The following CEP85L variants were observed in gnomAD, a reference collection of about 807,000 sequenced individuals.
CEP85L encodes centrosomal protein of 85 kDa-like.
A neutral mutation model predicts 100.3 loss-of-function variants in CEP85L; 60 were observed. That is an observed-to-expected ratio of 0.60 (90% CI 0.49 to 0.74). CEP85L has a LOEUF of 0.74. Among genes scored for constraint, CEP85L ranks in the 30% least tolerant of loss-of-function variants. The pLI, the probability that CEP85L is intolerant of heterozygous loss-of-function variation, is 0.00. For missense variants in CEP85L, 973 were observed against 936.2 expected (o/e 1.04, Z -0.51); for synonymous variants, 319 against 322.7 (o/e 0.99, Z 0.12).
chr6:118,476,053 T>C (rs1158795785), intron 10 of CEP85L, among the ~76,000 whole-genome samples: 2 of 152,200 alleles, frequency 1.3e-5, no homozygotes, highest in Non-Finnish European at 2.9e-5. Context: ...CCATATAGAT[T>C]TGGTGACTAT....
At chr6:118,645,411 T>A (rs1775115781) in intron 1 of CEP85L, among the ~76,000 whole-genome samples, 1 of 152,234 alleles carries the variant, frequency 6.6e-6, no homozygotes, top group Non-Finnish European at 1.5e-5. Context: ...TGGTGGTTCA[T>A]GCCTGTCATC....
At chr6:118,537,355 T>A (rs1777654005) in intron 3 of CEP85L, among the ~76,000 whole-genome samples, 2 of 152,100 alleles carry the variant, frequency 1.3e-5, no homozygotes, top group South Asian at 4.1e-4. Context: ...TTTTTACAGG[T>A]AAACATTTTA....
At chr6:118,562,104 T>C (rs935780666) in intron 3 of CEP85L, among the ~76,000 whole-genome samples, 1 of 152,188 alleles carries the variant, frequency 6.6e-6, no homozygotes, top group Non-Finnish European at 1.5e-5. Flanking sequence ...AAAGTCCTCT[T>C]TAACTACCTA....
intron 3 of CEP85L, among the ~76,000 whole-genome samples, chr6:118,528,880 T>C (rs183657738): frequency 6.6e-6 from 1 of 152,300 alleles, no homozygotes; most frequent in East Asian, 1.9e-4. Context: ...CTTTATGATT[T>C]TGCATTCTCT....
intron 2 of CEP85L, among the ~76,000 whole-genome samples, chr6:118,607,185 G>T (rs1272117235): frequency 3.3e-5 from 5 of 152,114 alleles, no homozygotes; most frequent in African/African-American, 1.2e-4. Flanking sequence ...CCCCAGATGG[G>T]CCCCATCATC....
intron 2 of CEP85L, among the ~76,000 whole-genome samples, chr6:118,569,134 A>G (rs1779720406): frequency 6.6e-6 from 1 of 151,948 alleles, no homozygotes; most frequent in South Asian, 2.1e-4. Context: ...TGAGGTCAGG[A>G]GTTCAAGACC....
chr6:118,473,714 G>C (rs1282312570), intron 10 of CEP85L, among the ~76,000 whole-genome samples: 3 of 152,094 alleles, frequency 2.0e-5, no homozygotes, highest in Non-Finnish European at 4.4e-5. Flanking sequence ...GAGAAAGGGA[G>C]ACAGCTTGGA....
chr6:118,651,839 T>G, upstream of CEP85L: 1 of 985,616 alleles, frequency 1.0e-6, no homozygotes, highest in South Asian at 4.7e-5. Flanking sequence ...GGCAGCGACT[T>G]GGCCTATTTT....
intron 2 of CEP85L, among the ~76,000 whole-genome samples, chr6:118,610,060 G>A (rs1336188465): frequency 7.1e-6 from 1 of 141,400 alleles, no homozygotes; most frequent in East Asian, 3.2e-4. Context: ...TGATAATGAT[G>A]TAAACTGTGC....
intron 1 of CEP85L, among the ~76,000 whole-genome samples, chr6:118,645,016 C>T (rs913746401): frequency 1.2e-4 from 19 of 152,296 alleles, no homozygotes; most frequent in African/African-American, 4.3e-4. Flanking sequence ...AGTCACTCCC[C>T]GGCATCTTCT....
At chr6:118,586,157 A>G (rs1349116302) in intron 2 of CEP85L, among the ~76,000 whole-genome samples, 7 of 152,138 alleles carry the variant, frequency 4.6e-5, no homozygotes, top group Non-Finnish European at 4.4e-5. Context: ...AACTAATGAT[A>G]TTACCAAGAG....
At chr6:118,524,238 A>T (rs1776832975) in intron 3 of CEP85L, among the ~76,000 whole-genome samples, 1 of 152,108 alleles carries the variant, frequency 6.6e-6, no homozygotes, top group East Asian at 1.9e-4. Flanking sequence ...AGGTCAGGAG[A>T]TCACCACCAT....
At chr6:118,669,695 A>G (rs1332095303) in intron 1 of CEP85L, among the ~76,000 whole-genome samples, 1 of 151,950 alleles carries the variant, frequency 6.6e-6, no homozygotes. Context: ...AACCTTTCAT[A>G]TCCACAGTGA....
chr6:118,635,644 A>G (rs118072938), intron 1 of CEP85L, among the ~76,000 whole-genome samples: 1 of 152,338 alleles, frequency 6.6e-6, no homozygotes, highest in East Asian at 1.9e-4. Flanking sequence ...TCCTAGTAAC[A>G]ATTTTTACAA....
chr6:118,612,717 T>C, intron 2 of CEP85L, among the ~76,000 whole-genome samples: 1 of 132,600 alleles, frequency 7.5e-6, no homozygotes. Context: ...TAATCTAATC[T>C]GCTAACAAGA....
chr6:118,501,058 G>C (rs1203890925), intron 5 of CEP85L, among the ~76,000 whole-genome samples: 1 of 151,976 alleles, frequency 6.6e-6, no homozygotes, highest in African/African-American at 2.4e-5. Context: ...TCCACTTTCT[G>C]TCCTTGTGTT....
At chr6:118,565,378 C>G (rs370817506) in intron 3 of CEP85L, 151 bp downstream of exon 3, 1 of 734,274 alleles carries the variant, frequency 1.4e-6, no homozygotes, top group Admixed American at 2.9e-5. Flanking sequence ...ATCAACAACA[C>G]TTTTCGGTTT....
chr6:118,616,898 T>C (rs2883956), intron 2 of CEP85L, among the ~76,000 whole-genome samples: 70,104 of 149,418 alleles, frequency 0.47, 16,823 homozygotes, highest in Middle Eastern at 0.58. Context: ...TGAACCATGA[T>C]AGTGCCACTG....
intron 2 of CEP85L, among the ~76,000 whole-genome samples, chr6:118,576,320 G>A (rs1454663177): frequency 6.6e-6 from 1 of 152,130 alleles, no homozygotes; most frequent in Non-Finnish European, 1.5e-5. Context: ...AAACCCACCT[G>A]GGAAGGACCT....
Sources: allele counts gnomAD v4.1 joint callset (sites outside exome capture counted in the v4.1 genomes callset), GRCh38; gene constraint gnomAD v4.1.1; transcripts MANE v1.5; gene names NCBI Gene and HGNC (gene_info 2026-07-23, HGNC 2026-07-21).